DLG2: variants seen among roughly 807,000 people sequenced by gnomAD.
The protein encoded by DLG2 is discs large MAGUK scaffold protein 2.
A neutral mutation model predicts 132.5 loss-of-function variants in DLG2; 45 were observed. The observed-to-expected ratio is 0.34, with a 90% CI of 0.27 to 0.44. DLG2 has a LOEUF of 0.44. Among genes scored for constraint, DLG2 ranks in the 20% least tolerant of loss-of-function variants. DLG2 has a pLI of 1.00. For synonymous variants in DLG2, 424 were observed against 419.6 expected, an observed-to-expected ratio of 1.01 and a Z score of -0.13; for missense variants, 1,045 against 1,196.9, an observed-to-expected ratio of 0.87 and a Z score of 1.87.
At chr11:85,158,658 T>C (rs1231991263) in intron 4 of DLG2, among the ~76,000 whole-genome samples, 1 of 152,090 alleles carries the variant, frequency 6.6e-6, no homozygotes, top group Non-Finnish European at 1.5e-5. Context: ...GTGTGAATAA[T>C]GGGATCCCGA....
intron 17 of DLG2, among the ~76,000 whole-genome samples, chr11:83,824,411 C>T (rs1010379332): frequency 4.6e-5 from 7 of 152,026 alleles, no homozygotes; most frequent in Admixed American, 2.0e-4. Context: ...ATTTTTTTCA[C>T]GTTGCATCCT....
chr11:85,615,100 G>T (rs546412520), intron 2 of DLG2, among the ~76,000 whole-genome samples: 5 of 152,296 alleles, frequency 3.3e-5, no homozygotes, highest in African/African-American at 9.6e-5. Flanking sequence ...ATTATTAATA[G>T]TATAAAACGG....
At chr11:84,387,028 A>G (rs879777159) in intron 7 of DLG2, among the ~76,000 whole-genome samples, 1 of 151,874 alleles carries the variant, frequency 6.6e-6, no homozygotes, top group Non-Finnish European at 1.5e-5. Flanking sequence ...ATTTAAATTG[A>G]TTACTCTCCA....
intron 8 of DLG2, among the ~76,000 whole-genome samples, chr11:84,204,059 G>A (rs1460811471): frequency 6.6e-6 from 1 of 151,968 alleles, no homozygotes; most frequent in African/African-American, 2.4e-5. Flanking sequence ...CCAGGTTCAA[G>A]TGATTCTCCT....
Position 85,541,172 on chromosome 11 carries a change from C to G in DLG2, c.40+57485G>C, listed in dbSNP as rs544728002. 2.6e-5 allele frequency among the ~76,000 whole-genome samples: 4 copies of G among 152,224 alleles called. No homozygotes were observed. The South Asian group carries it at 6.2e-4, about 24-fold the overall frequency. ...CATCCTAAGGACTTTTAACTTTACC[C>G]TGTGAATGATGGAAAACAAAGTAAT... On this transcript the variant is annotated intron_variant, in intron 3 of 27. Transcript: ENST00000376104.
chr11:83,918,525 C>A (rs1297189428), intron 15 of DLG2, among the ~76,000 whole-genome samples: 2 of 152,150 alleles, frequency 1.3e-5, no homozygotes, highest in Admixed American at 6.5e-5. Flanking sequence ...TACTTAACAA[C>A]AACAGAAACG....
intron 15 of DLG2, among the ~76,000 whole-genome samples, chr11:83,899,728 T>C (rs1484252436): frequency 6.6e-6 from 1 of 152,230 alleles, no homozygotes; most frequent in Admixed American, 6.5e-5. Flanking sequence ...CTTTCTTTTG[T>C]AGATTTCTTA....
chr11:85,333,245 T>C (rs754541326), intron 3 of DLG2, among the ~76,000 whole-genome samples: 2 of 152,168 alleles, frequency 1.3e-5, no homozygotes, highest in Non-Finnish European at 2.9e-5. Flanking sequence ...TCAGCTTAGA[T>C]GATAGTGGTA....
intron 7 of DLG2, among the ~76,000 whole-genome samples, chr11:84,269,987 A>G (rs2097698470): frequency 6.6e-6 from 1 of 152,206 alleles, no homozygotes; most frequent in Admixed American, 6.5e-5. Flanking sequence ...GACACATAGT[A>G]GGGGCTCTAG....
At chr11:84,400,390 C>T (rs548910351) in intron 7 of DLG2, among the ~76,000 whole-genome samples, 1 of 152,232 alleles carries the variant, frequency 6.6e-6, no homozygotes, top group South Asian at 2.1e-4. Flanking sequence ...TTAACTAGAC[C>T]ATATAGCTCA....
intron 7 of DLG2, among the ~76,000 whole-genome samples, chr11:84,433,327 T>C (rs1042103445): frequency 1.2e-4 from 19 of 152,290 alleles, no homozygotes; most frequent in African/African-American, 4.6e-4. Context: ...TAACCAGAAA[T>C]TGCACTTTCA....
chr11:84,930,686 C>T (rs1335041142), intron 6 of DLG2, among the ~76,000 whole-genome samples: 1 of 152,136 alleles, frequency 6.6e-6, no homozygotes, highest in Non-Finnish European at 1.5e-5. Flanking sequence ...AGTGACTGCC[C>T]TTCCTTCTTT....
chr11:83,922,062 C>G (rs1047213963), intron 15 of DLG2, among the ~76,000 whole-genome samples: 1 of 152,078 alleles, frequency 6.6e-6, no homozygotes, highest in Non-Finnish European at 1.5e-5. Context: ...GGGTGAGTTC[C>G]TTGTTTTCTG....
At chr11:85,031,658 T>A (rs2061010225) in intron 6 of DLG2, among the ~76,000 whole-genome samples, 1 of 152,194 alleles carries the variant, frequency 6.6e-6, no homozygotes, top group Non-Finnish European at 1.5e-5. Flanking sequence ...ACCACACTCC[T>A]CTATCAACTG....
chr11:84,534,572 T>G lies in DLG2; in HGVS notation c.517A>C (p.Lys173Gln), dbSNP rs1166698962. 2 of 1,613,748 alleles carry G rather than the reference T, an allele frequency of 1.2e-6. No homozygotes were observed. The highest frequency in any genetic ancestry group is 2.2e-5 in the East Asian group (1 of 44,840). Residue 173 changes from lysine (K) to glutamine (Q), a missense_variant and splice_region_variant, in exon 7 of 28, where the codon AAG (lysine) becomes CAG (glutamine). This residue lies in a region of DLG2 where 277 missense variants were observed against 238.2 expected (regional missense o/e 1.16). Coordinates refer to ENST00000376104, the MANE Select transcript of DLG2 (RefSeq NM_001142699.3). ...YVLQSHISPLKASPAPIIVNT... is the reference protein window; with the variant it reads ...YVLQSHISPLQASPAPIIVNT... ...GTCGGAAGAGCAATATAACTGACCT[T>G]CAGAGGAGAAATATGAGACTGCAAG... is the stretch of plus-strand genomic sequence containing the variant.
chr11:85,091,328 T>A (rs973476687), intron 6 of DLG2, among the ~76,000 whole-genome samples: 1 of 152,222 alleles, frequency 6.6e-6, no homozygotes, highest in Non-Finnish European at 1.5e-5. Context: ...CTAAGGATGA[T>A]CTGACCCTTC....
intron 3 of DLG2, among the ~76,000 whole-genome samples, chr11:85,477,030 G>T (rs537077012): frequency 6.6e-6 from 1 of 152,208 alleles, no homozygotes; most frequent in African/African-American, 2.4e-5. Context: ...ACAATGACAA[G>T]AGTAATGCAC....
intron 6 of DLG2, among the ~76,000 whole-genome samples, chr11:85,067,341 T>C (rs2154164868): frequency 6.6e-6 from 1 of 152,034 alleles, no homozygotes; most frequent in African/African-American, 2.4e-5. Flanking sequence ...TGTCTCTATC[T>C]CCTTCAGTTC....
At chr11:83,824,696 A>G (rs1228493732) in intron 17 of DLG2, among the ~76,000 whole-genome samples, 3 of 152,164 alleles carry the variant, frequency 2.0e-5, no homozygotes, top group African/African-American at 7.2e-5. Flanking sequence ...AACCTTTTTT[A>G]TGAAGCATTT....
Sources: allele counts gnomAD v4.1 joint callset (sites outside exome capture counted in the v4.1 genomes callset), GRCh38; gene constraint gnomAD v4.1.1; regional missense constraint gnomAD v4.1.1; transcripts MANE v1.5; gene names NCBI Gene and HGNC (gene_info 2026-07-23, HGNC 2026-07-21).